Variants in SLC16A3 observed in about 807,000 individuals in gnomAD.
SLC16A3 encodes the protein solute carrier family 16 member 3, also known as monocarboxylate transporter 4.
SLC16A3 carries 22 observed loss-of-function variants against 25.0 expected under a neutral mutation model. The ratio of observed to expected loss-of-function variants is 0.88; its 90% confidence interval spans 0.63 to 1.26. SLC16A3 has a LOEUF of 1.26. SLC16A3 is among the 50% of genes most tolerant of loss of function. The pLI is 0.00. For missense variants in SLC16A3, 731 were observed against 666.6 expected, an observed-to-expected ratio of 1.10 and a Z score of -1.06; for synonymous variants, 390 against 309.2, an observed-to-expected ratio of 1.26 and a Z score of -2.74.
chr17:82,239,967 C>T lies in SLC16A3; in HGVS notation c.*991C>T. ...TGGCTGGGAGCCCGGTCAGAGGCCG[C>T]CGGGGCCCTCAGTAGGTGCGTCGTG... is the stretch of plus-strand genomic sequence containing the variant. On this transcript the variant is annotated 3_prime_UTR_variant, in exon 5 of 5. Coordinates refer to ENST00000582743, the MANE Select transcript of SLC16A3 (RefSeq NM_004207.4). The T allele has an allele frequency of 3.2e-6, 4 of 1,232,494 alleles. No individual in the cohort carries two copies. The highest frequency in any genetic ancestry group is 3.0e-6 in the Non-Finnish European group (3 of 986,768). 76.3% of individuals were successfully genotyped at this position (1,232,494 alleles called of 1,614,324 possible).
intron 1 of SLC16A3, chr17:82,233,941 C>T (rs10852794): frequency 0.65 from 99,122 of 151,998 alleles, 34,254 homozygotes; most frequent in East Asian, 0.83. Context: ...CCTGGGTTCA[C>T]GCCATTCTCC....
At chr17:82,227,448 C>A (rs1011798736), upstream of SLC16A3, among the ~76,000 whole-genome samples, 1 of 152,054 alleles carries the variant, frequency 6.6e-6, no homozygotes, top group East Asian at 1.9e-4. Flanking sequence ...AGCACGGTAC[C>A]CTCGCCTCCC....
At chr17:82,236,956 G>A (rs2050618202) in intron 3 of SLC16A3, 84 bp downstream of exon 3, 3 of 1,554,284 alleles carry the variant, frequency 1.9e-6, no homozygotes, top group Non-Finnish European at 2.6e-6. Context: ...GCCTCTGGAG[G>A]ACAGCAGGGC....
chr17:82,222,489 G>A (rs1319778721), intron 1 of SLC16A3, among the ~76,000 whole-genome samples: 2 of 152,190 alleles, frequency 1.3e-5, no homozygotes, highest in African/African-American at 4.8e-5. Flanking sequence ...TCCACATGAG[G>A]AAACATCATT....
intron 2 of SLC16A3, chr17:82,236,445 C>T (rs1179087469): frequency 2.1e-5 from 13 of 630,326 alleles, no homozygotes; most frequent in Middle Eastern, 4.3e-4. Context: ...CCTGTCCAAA[C>T]GGGTCGGCTG....
At chr17:82,238,495 CTCT>C (rs2050675440) in intron 4 of SLC16A3, among the ~76,000 whole-genome samples, 1 of 152,218 alleles carries the variant, frequency 6.6e-6, no homozygotes, top group Non-Finnish European at 1.5e-5. Flanking sequence ...TATTTTTAGC[CTCT>C]TAAGTCTTGG....
In SLC16A3 at chr17:82,237,874, C is replaced by G. The variant is rs145044097; in HGVS notation, c.1104C>G (p.Leu368=). 6 of 1,600,074 alleles carry G rather than the reference C, an allele frequency of 3.7e-6. No homozygotes were observed. Among genetic ancestry groups the G allele is most frequent in the South Asian group, 2.2e-5 (2 of 91,040 alleles). ...TGCTGATGGAGGCGGTGGCCGTGCT[C>G]GTCGGGCCCCCTTCGGGAGGTGAGC... ...LVLLMEAVAV[L]VGPPSGGKLL... is the part of the protein sequence containing the mutation. The change falls in exon 4 of 5, where the codon CTC becomes CTG. Residue 368 remains leucine (L), a synonymous_variant. Coordinates refer to ENST00000582743, the MANE Select transcript of SLC16A3 (RefSeq NM_004207.4).
At chr17:82,235,726 C>T (rs2050585277) in intron 1 of SLC16A3, 1 of 528,012 alleles carries the variant, frequency 1.9e-6, no homozygotes, top group South Asian at 2.2e-5. Context: ...CTGGCCGAGC[C>T]CAAAAAAGCC....
chr17:82,233,805 G>T (rs2050539725), intron 1 of SLC16A3: 1 of 152,190 alleles, frequency 6.6e-6, no homozygotes, highest in African/African-American at 2.4e-5. Context: ...TCTGCGTCCT[G>T]TTCCCAGTTT....
At chr17:82,219,773 C>T (rs968554085) in intron 1 of SLC16A3, among the ~76,000 whole-genome samples, 2 of 152,110 alleles carry the variant, frequency 1.3e-5, no homozygotes, top group Admixed American at 6.5e-5. Flanking sequence ...TGGCTACAGG[C>T]GAGCATGGGC....
At chr17:82,227,569 T>TGGGAGCACCACCCGCCCTGGGC (rs2050431614), upstream of SLC16A3, among the ~76,000 whole-genome samples, 1 of 122,134 alleles carries the variant, frequency 8.2e-6, no homozygotes, top group South Asian at 2.3e-4. Flanking sequence ...TGCAGGAAGA[T>TGGGAGCACCACCCGCCCTGGGC]GGGAGCACCA....
At position 82,236,077 on chromosome 17, in the gene SLC16A3, C is replaced by T. The variant is rs117720229; in HGVS notation, c.69C>T (p.Ala23=). 1.9e-5 allele frequency: 31 copies of T among 1,612,890 alleles called. No individual in the cohort carries two copies. The highest frequency in any genetic ancestry group is 8.3e-5 in the Admixed American group (5 of 60,028). Residue 23 remains alanine (A), a synonymous_variant, in exon 2 of 5, where the codon GCC becomes GCT. Transcript: ENST00000582743. ...VKAPDGGWGW[A]VLFGCFVITG... ...CCCCTGACGGCGGCTGGGGCTGGGCCGTGCTCTTCGGCTGTTTCGTCATCA... is the reference window on the plus strand; with the variant it reads ...CCCCTGACGGCGGCTGGGGCTGGGCTGTGCTCTTCGGCTGTTTCGTCATCA...
chr17:82,233,892 G>C (rs1463035614), intron 1 of SLC16A3: 1 of 152,042 alleles, frequency 6.6e-6, no homozygotes, highest in Non-Finnish European at 1.5e-5. Context: ...CCAGGTTGGA[G>C]CGCAGTCGCG....
At chr17:82,226,424 G>C (rs2147109647), upstream of SLC16A3, among the ~76,000 whole-genome samples, 1 of 152,258 alleles carries the variant, frequency 6.6e-6, no homozygotes, top group African/African-American at 2.4e-5. Flanking sequence ...GTGGGGTGCA[G>C]AGATGCGGAC....
chr17:82,237,396 G>A lies in SLC16A3; in HGVS notation c.626G>A (p.Gly209Glu), dbSNP rs547809481. Residue 209 changes from glycine to glutamate, a missense_variant, in exon 4 of 5, where the codon GGG becomes GAG. Transcript: ENST00000582743. Reference protein sequence around the residue: ...PLVVTAQPGSGPPRPSRRLLD... With the variant: ...PLVVTAQPGSEPPRPSRRLLD... ...GTGGTCACGGCCCAGCCGGGCTCGGGGCCGCCGCGACCCTCCCGGCGCCTG... is the reference window on the plus strand; with the variant it reads ...GTGGTCACGGCCCAGCCGGGCTCGGAGCCGCCGCGACCCTCCCGGCGCCTG... 24 of 1,554,310 alleles carry A rather than the reference G, an allele frequency of 1.5e-5. 1 individual carries two copies. In the African/African-American group the frequency reaches 2.6e-4, roughly 17 times the overall value.
upstream of SLC16A3, among the ~76,000 whole-genome samples, chr17:82,226,625 CTGGAGCCCTGTGTCAGA>C (rs2050423442): frequency 6.6e-6 from 1 of 152,166 alleles, no homozygotes; most frequent in South Asian, 2.1e-4. Flanking sequence ...CCAGGTGCCC[CTGGAGCCCTGTGTCAGA>C]TGGAGCCTGG....
At chr17:82,235,937 G>C in intron 1 of SLC16A3, 46 bp from the exon 2 acceptor site, 1 of 1,342,912 alleles carries the variant, frequency 7.4e-7, no homozygotes. Context: ...GGCTGCAGCT[G>C]GGATGGTCAC....
At chr17:82,221,605 A>AC (rs58777029) in intron 1 of SLC16A3, among the ~76,000 whole-genome samples, 9 of 150,612 alleles carry the variant, frequency 6.0e-5, no homozygotes, top group East Asian at 5.9e-4. Context: ...AACAACAACA[A>AC]AAAAGACAAC....
intron 3 of SLC16A3, 45 bp downstream of exon 3, chr17:82,236,917 G>A (rs770567407): frequency 4.4e-6 from 7 of 1,595,178 alleles, no homozygotes; most frequent in South Asian, 2.2e-5. Flanking sequence ...GGAGGGGCAG[G>A]GGCCGTGCAC....
Sources: allele counts gnomAD v4.1 joint callset (sites outside exome capture counted in the v4.1 genomes callset), GRCh38; gene constraint gnomAD v4.1.1; transcripts MANE v1.5; gene names NCBI Gene and HGNC (gene_info 2026-07-23, HGNC 2026-07-21).